CNTN5: variants seen among roughly 807,000 people sequenced by gnomAD.
CNTN5 encodes the protein contactin 5.
CNTN5 carries 77 observed loss-of-function variants against 129.1 expected under a neutral mutation model. The ratio of observed to expected loss-of-function variants is 0.60; its 90% CI spans 0.50 to 0.72. The LOEUF (loss-of-function observed/expected upper bound fraction) is 0.72. Ranked by LOEUF, CNTN5 falls within the 30% of genes least tolerant of loss-of-function variation. CNTN5 has a pLI of 0.00. For missense variants in CNTN5, 1,478 were observed against 1,328.8 expected (o/e 1.11, Z -1.75); for synonymous variants, 509 against 465.6 (o/e 1.09, Z -1.20).
chr11:99,351,651 T>A (rs1394460), intron 2 of CNTN5, among the ~76,000 whole-genome samples: 24,894 of 152,192 alleles, frequency 0.16, 2,161 homozygotes, highest in South Asian at 0.25. Flanking sequence ...ACCTATACAG[T>A]ATTTCTCTTC....
intron 1 of CNTN5, among the ~76,000 whole-genome samples, chr11:99,260,146 A>G (rs568226151): frequency 6.6e-6 from 1 of 151,900 alleles, no homozygotes; most frequent in African/African-American, 2.4e-5. Context: ...TTTTTGTAAC[A>G]TCTGGGATTC....
At position 100,356,134 on chromosome 11, in the gene CNTN5, G is replaced by A. The variant is rs1952518494; in HGVS notation, c.3217G>A (p.Ala1073Thr). 1 of 1,609,052 alleles carries A rather than the reference G, an allele frequency of 6.2e-7. No homozygotes were observed. Among genetic ancestry groups the A allele is most frequent in the Non-Finnish European group, 8.5e-7 (1 of 1,177,158 alleles). The change falls in exon 25 of 25, where the codon GCA becomes ACA. Residue 1073 changes from alanine (A) to threonine (T), a missense_variant. By Grantham distance (58) the Ala-to-Thr change is moderately conservative. Coordinates refer to ENST00000524871, the MANE Select transcript of CNTN5 (RefSeq NM_014361.4). Reference protein sequence around the residue: ...PSYSGGKITSAQSTLHSLSTS... With the variant: ...PSYSGGKITSTQSTLHSLSTS... ...TTTCACAGGTGGAAAAATCACAAGT[G>A]CACAGTCGACCCTTCACTCTCTCTC...
intron 3 of CNTN5, among the ~76,000 whole-genome samples, chr11:99,703,670 A>G (rs1954626496): frequency 6.6e-6 from 1 of 151,108 alleles, no homozygotes; most frequent in East Asian, 2.0e-4. Flanking sequence ...GTTTGATTAC[A>G]AAAGCCACAG....
intron 8 of CNTN5, among the ~76,000 whole-genome samples, chr11:99,959,547 A>G (rs892220189): frequency 2.0e-5 from 3 of 152,192 alleles, no homozygotes; most frequent in Non-Finnish European, 2.9e-5. Flanking sequence ...AAATTACACT[A>G]TAAGTCATTG....
At chr11:99,591,613 C>G (rs568900724) in intron 3 of CNTN5, among the ~76,000 whole-genome samples, 31 of 152,250 alleles carry the variant, frequency 2.0e-4, no homozygotes, top group African/African-American at 7.5e-4. Context: ...GCTGGAATTA[C>G]AGGCGTGAGC....
intron 18 of CNTN5, among the ~76,000 whole-genome samples, chr11:100,285,569 G>A (rs556262670): frequency 5.4e-4 from 82 of 152,338 alleles, no homozygotes; most frequent in African/African-American, 1.8e-3. Flanking sequence ...CAGACAAGGC[G>A]AAAGGAGTAG....
chr11:99,803,705 T>C (rs1946183110), intron 3 of CNTN5, among the ~76,000 whole-genome samples: 1 of 152,176 alleles, frequency 6.6e-6, no homozygotes, highest in Admixed American at 6.5e-5. Context: ...CCCTCCCTTT[T>C]CCTGGGTTTC....
intron 1 of CNTN5, among the ~76,000 whole-genome samples, chr11:99,280,844 A>C (rs1280343337): frequency 1.3e-5 from 2 of 151,840 alleles, no homozygotes; most frequent in Admixed American, 1.3e-4. Context: ...ATATGAATGA[A>C]TTATGTCACC....
chr11:99,591,895 AT>A (rs765888463), intron 3 of CNTN5, among the ~76,000 whole-genome samples: 12 of 152,220 alleles, frequency 7.9e-5, no homozygotes, highest in Non-Finnish European at 1.3e-4. Flanking sequence ...ATTGCTTAGT[AT>A]AATGGAAAAA....
intron 3 of CNTN5, among the ~76,000 whole-genome samples, chr11:99,648,988 C>T (rs954124278): frequency 6.6e-6 from 1 of 151,550 alleles, no homozygotes; most frequent in Non-Finnish European, 1.5e-5. Context: ...TTATAGTATT[C>T]TATAACACTA....
At chr11:100,132,210 A>T (rs1235345980) in intron 13 of CNTN5, among the ~76,000 whole-genome samples, 2 of 152,126 alleles carry the variant, frequency 1.3e-5, no homozygotes, top group Admixed American at 1.3e-4. Context: ...GTCAACGCTT[A>T]TTCAGGTTTC....
chr11:99,834,299 T>A (rs1469225133), intron 4 of CNTN5, among the ~76,000 whole-genome samples: 1 of 152,174 alleles, frequency 6.6e-6, no homozygotes, highest in African/African-American at 2.4e-5. Context: ...GAACAAAAAC[T>A]CTTGATTGCT....
At chr11:99,657,493 C>T (rs984032518) in intron 3 of CNTN5, among the ~76,000 whole-genome samples, 1 of 152,056 alleles carries the variant, frequency 6.6e-6, no homozygotes, top group Non-Finnish European at 1.5e-5. Context: ...CCTTGTATAT[C>T]ACTGTAACCT....
intron 3 of CNTN5, among the ~76,000 whole-genome samples, chr11:99,586,319 T>G (rs1402582578): frequency 6.6e-6 from 1 of 152,154 alleles, no homozygotes; most frequent in Admixed American, 6.5e-5. Flanking sequence ...GCATAATAAC[T>G]GACATAACTC....
At chr11:100,313,111 T>C (rs1325124188) in intron 21 of CNTN5, among the ~76,000 whole-genome samples, 1 of 151,968 alleles carries the variant, frequency 6.6e-6, no homozygotes, top group Non-Finnish European at 1.5e-5. Flanking sequence ...TTGTCTTTTA[T>C]TTGAAGTGCA....
At chr11:99,657,905 C>T (rs1952438801) in intron 3 of CNTN5, among the ~76,000 whole-genome samples, 2 of 152,068 alleles carry the variant, frequency 1.3e-5, no homozygotes, top group South Asian at 4.1e-4. Flanking sequence ...AAAGCACTAA[C>T]CCTGTAAATT....
intron 3 of CNTN5, among the ~76,000 whole-genome samples, chr11:99,772,436 A>C (rs987455139): frequency 1.3e-5 from 2 of 152,080 alleles, no homozygotes; most frequent in African/African-American, 4.8e-5. Flanking sequence ...ATGTTACAAC[A>C]AGGTGTCTTG....
At chr11:99,636,474 G>A (rs954472839) in intron 3 of CNTN5, among the ~76,000 whole-genome samples, 12 of 151,700 alleles carry the variant, frequency 7.9e-5, no homozygotes, top group Non-Finnish European at 1.8e-4. Context: ...TAGGAGGCTG[G>A]GTCTTTGTCC....
At chr11:99,975,140 T>C (rs1161522032) in intron 8 of CNTN5, among the ~76,000 whole-genome samples, 2 of 152,210 alleles carry the variant, frequency 1.3e-5, no homozygotes, top group Non-Finnish European at 2.9e-5. Context: ...TTTTAGAGAA[T>C]TGGAAATTTA....
Sources: allele counts gnomAD v4.1 joint callset (sites outside exome capture counted in the v4.1 genomes callset), GRCh38; gene constraint gnomAD v4.1.1; transcripts MANE v1.5; gene names NCBI Gene and HGNC (gene_info 2026-07-23, HGNC 2026-07-21).